Variants in NRXN3 observed in about 807,000 individuals in gnomAD.
NRXN3 encodes neurexin III.
Under a neutral mutation model 137.6 loss-of-function variants are expected in NRXN3, and 32 were observed. That is an observed-to-expected ratio of 0.23 (90% CI 0.18 to 0.31). The LOEUF (loss-of-function observed/expected upper bound fraction) is 0.31, where lower values mean the gene tolerates loss of function less well. NRXN3 is among the 10% of genes least tolerant of loss of function. The pLI is 1.00. For synonymous variants in NRXN3, 798 were observed against 784.5 expected (o/e 1.02, Z -0.29); for missense variants, 1,574 against 2,062.5 (o/e 0.76, Z 4.59).
chr14:79,538,505 C>G (rs868497255), intron 16 of NRXN3, among the ~76,000 whole-genome samples: 13 of 152,142 alleles, frequency 8.5e-5, no homozygotes, highest in East Asian at 1.9e-4. Flanking sequence ...GATCCAGTTT[C>G]AGCTTTCTAC....
intron 4 of NRXN3, among the ~76,000 whole-genome samples, chr14:78,350,156 G>T (rs1233377804): frequency 6.6e-6 from 1 of 152,136 alleles, no homozygotes; most frequent in African/African-American, 2.4e-5. Flanking sequence ...GAGCATGGTG[G>T]TGCGTACCTG....
chr14:79,669,193 A>G (rs943677906), intron 17 of NRXN3: 5 of 152,126 alleles, frequency 3.3e-5, no homozygotes, highest in Non-Finnish European at 7.3e-5. Context: ...AACAGGGGGA[A>G]AAACAGAGAG....
intron 15 of NRXN3, among the ~76,000 whole-genome samples, chr14:79,154,577 C>A (rs951388183): frequency 4.0e-5 from 6 of 151,822 alleles, no homozygotes; most frequent in Non-Finnish European, 5.9e-5. Context: ...ATATACCTGC[C>A]AGGCTATTGT....
chr14:78,787,167 G>A (rs2098791551), intron 8 of NRXN3, among the ~76,000 whole-genome samples: 1 of 152,114 alleles, frequency 6.6e-6, no homozygotes, highest in African/African-American at 2.4e-5. Flanking sequence ...GTTTGTCCTT[G>A]TAAGTTGTAT....
At chr14:79,627,623 T>C (rs1299499725) in intron 16 of NRXN3, among the ~76,000 whole-genome samples, 1 of 152,224 alleles carries the variant, frequency 6.6e-6, no homozygotes, top group Non-Finnish European at 1.5e-5. Flanking sequence ...AGTTTAATAA[T>C]TTGTTCAATG....
At chr14:78,941,881 A>G (rs894801571) in intron 10 of NRXN3, among the ~76,000 whole-genome samples, 1 of 152,176 alleles carries the variant, frequency 6.6e-6, no homozygotes, top group African/African-American at 2.4e-5. Context: ...AGTGGCAAGG[A>G]CCCTATTTCA....
At chr14:79,667,171 C>T (rs926916641) in intron 17 of NRXN3, among the ~76,000 whole-genome samples, 1 of 152,030 alleles carries the variant, frequency 6.6e-6, no homozygotes, top group Non-Finnish European at 1.5e-5. Flanking sequence ...AAGCCATCAA[C>T]CTGGCAAGGC....
chr14:79,321,682 A>G (rs1383241273), intron 15 of NRXN3, among the ~76,000 whole-genome samples: 2 of 151,546 alleles, frequency 1.3e-5, no homozygotes, highest in Admixed American at 6.6e-5. Context: ...GGCAACTAGT[A>G]TAAGGAATGC....
intron 3 of NRXN3, among the ~76,000 whole-genome samples, chr14:78,285,661 C>T (rs1319614808): frequency 6.6e-6 from 1 of 152,226 alleles, no homozygotes; most frequent in Non-Finnish European, 1.5e-5. Context: ...CAGAAAAACA[C>T]TTCCTGAATG....
chr14:79,710,216 AATATG>A (rs1350779022), intron 19 of NRXN3, among the ~76,000 whole-genome samples: 4 of 152,110 alleles, frequency 2.6e-5, no homozygotes, highest in African/African-American at 9.7e-5. Context: ...TGCTAGAATC[AATATG>A]ATATAACTTA....
intron 4 of NRXN3, among the ~76,000 whole-genome samples, chr14:78,560,438 TA>T (rs1398765153): frequency 6.6e-6 from 1 of 152,246 alleles, no homozygotes; most frequent in Non-Finnish European, 1.5e-5. Flanking sequence ...ATGTGTTTCA[TA>T]ATGCATGAGT....
intron 16 of NRXN3, among the ~76,000 whole-genome samples, chr14:79,619,815 T>C (rs1567683825): frequency 6.6e-6 from 1 of 152,140 alleles, no homozygotes; most frequent in Non-Finnish European, 1.5e-5. Context: ...GCAAGTACCA[T>C]ATGCATGAAA....
At chr14:78,462,874 T>G (rs942204124) in intron 4 of NRXN3, among the ~76,000 whole-genome samples, 2 of 152,166 alleles carry the variant, frequency 1.3e-5, no homozygotes, top group African/African-American at 4.8e-5. Flanking sequence ...TGGCAGGAAT[T>G]GGGTACAAGT....
intron 16 of NRXN3, among the ~76,000 whole-genome samples, chr14:79,574,196 C>T (rs2097642870): frequency 6.6e-6 from 1 of 151,736 alleles, no homozygotes; most frequent in Non-Finnish European, 1.5e-5. Flanking sequence ...TCTTATATTT[C>T]TTCCTCCAAA....
chr14:79,821,961 A>T (rs2099274035), intron 20 of NRXN3, among the ~76,000 whole-genome samples: 1 of 152,164 alleles, frequency 6.6e-6, no homozygotes, highest in African/African-American at 2.4e-5. Flanking sequence ...AACTGAGATA[A>T]CATCCAACAG....
At chr14:78,365,911 A>G (rs917885390) in intron 4 of NRXN3, among the ~76,000 whole-genome samples, 1 of 152,222 alleles carries the variant, frequency 6.6e-6, no homozygotes, top group African/African-American at 2.4e-5. Context: ...CCAAGAGTGG[A>G]GAAAAGCGTA....
intron 10 of NRXN3, among the ~76,000 whole-genome samples, chr14:78,815,479 C>CTTTTTTTTTTTTTTTTTTTTTTTTTTT (rs61411777): frequency 4.7e-5 from 4 of 84,436 alleles, no homozygotes; most frequent in Non-Finnish European, 4.3e-5. Flanking sequence ...TTGTTTCTTT[C>CTTTTTTTTTTTTTTTTTTTTTTTTTTT]TTTTTTTTTT....
At chr14:79,307,110 A>G (rs2086217645) in intron 15 of NRXN3, among the ~76,000 whole-genome samples, 1 of 152,104 alleles carries the variant, frequency 6.6e-6, no homozygotes, top group Admixed American at 6.5e-5. Context: ...CAATTTATCA[A>G]ATGTTAGCAA....
intron 19 of NRXN3, among the ~76,000 whole-genome samples, chr14:79,749,493 C>A (rs2098990490): frequency 2.0e-5 from 3 of 151,850 alleles, no homozygotes; most frequent in Admixed American, 2.0e-4. Context: ...TCTCAAACTC[C>A]TGGGTTCAAG....
Sources: allele counts gnomAD v4.1 joint callset (sites outside exome capture counted in the v4.1 genomes callset), GRCh38; gene constraint gnomAD v4.1.1; transcripts MANE v1.5; gene names NCBI Gene and HGNC (gene_info 2026-07-23, HGNC 2026-07-21).